PTBP2: variants seen among roughly 807,000 people sequenced by gnomAD.
PTBP2 encodes polypyrimidine tract-binding protein 2.
In PTBP2, 13 loss-of-function variants were observed where a neutral mutation model predicts 61.4. The observed-to-expected ratio is 0.21, with a 90% CI of 0.14 to 0.34. The LOEUF (loss-of-function observed/expected upper bound fraction) is 0.34, where lower values mean the gene tolerates loss of function less well. PTBP2 is among the 10% of genes least tolerant of loss of function. The pLI, the probability that PTBP2 is intolerant of heterozygous loss-of-function variation, is 1.00. For missense variants in PTBP2, 405 were observed against 642.6 expected (o/e 0.63, Z 4.00); for synonymous variants, 215 against 218.5 (o/e 0.98, Z 0.14).
chr1:96,800,910 C>G (rs1313556472), intron 8 of PTBP2, among the ~76,000 whole-genome samples: 1 of 149,996 alleles, frequency 6.7e-6, no homozygotes, highest in African/African-American at 2.5e-5. Flanking sequence ...ACCCAGATTT[C>G]AAGAAAAAAA....
At position 96,721,887 on chromosome 1, in the gene PTBP2, C is replaced by T. The variant is rs1232756149; in HGVS notation, c.8+15C>T. The T allele has an allele frequency of 6.4e-7, 1 of 1,574,382 alleles. No individual in the cohort carries two copies. Among genetic ancestry groups the T allele is most frequent in the Non-Finnish European group, 8.6e-7 (1 of 1,159,668 alleles). On this transcript the variant is annotated intron_variant, in intron 1 of 13. Coordinates refer to ENST00000674951, the MANE Select transcript of PTBP2 (RefSeq NM_021190.4). The stretch of plus-strand genomic sequence containing the variant: ...GCAATGGACGGGTATGTAATCGGGC[C>T]GGCGAGAAGGTGTGTGTGAGAGAGG...
At chr1:96,796,528 A>T (rs1052074605) in intron 8 of PTBP2, among the ~76,000 whole-genome samples, 7 of 152,342 alleles carry the variant, frequency 4.6e-5, no homozygotes, top group African/African-American at 1.7e-4. Flanking sequence ...ATAAGACTCT[A>T]CTAGATTTGG....
At chr1:96,783,327 A>G (rs982711064) in intron 7 of PTBP2, among the ~76,000 whole-genome samples, 4 of 151,888 alleles carry the variant, frequency 2.6e-5, no homozygotes, top group Non-Finnish European at 5.9e-5. Flanking sequence ...TAGCTCTTGT[A>G]CCTTAGGTAT....
chr1:96,762,167 CTT>C (rs1217636962), intron 3 of PTBP2, among the ~76,000 whole-genome samples: 6 of 151,002 alleles, frequency 4.0e-5, no homozygotes, highest in Non-Finnish European at 7.4e-5. Flanking sequence ...ATTTCTCAAT[CTT>C]TTCCCCACCT....
chr1:96,723,228 G>A (rs1337931704), intron 1 of PTBP2, among the ~76,000 whole-genome samples: 1 of 152,174 alleles, frequency 6.6e-6, no homozygotes, highest in Non-Finnish European at 1.5e-5. Context: ...CCTGGTTCCT[G>A]TGGAGACTAC....
At chr1:96,822,337 AAG>A (rs1662707929) in exon 14 of PTBP2, 1 of 152,220 alleles carries the variant, frequency 6.6e-6, no homozygotes, top group African/African-American at 2.4e-5. Flanking sequence ...GGGGACAAAA[AAG>A]GACCAGAATC....
chr1:96,751,260 A>G (rs753315019), intron 2 of PTBP2, 165 bp from the exon 3 acceptor site: 6 of 691,642 alleles, frequency 8.7e-6, no homozygotes, highest in Non-Finnish European at 1.6e-5. Context: ...AGAATGGGAG[A>G]GGGATAGATG....
At chr1:96,815,551 A>T (rs1426651198), downstream of PTBP2, 1 of 152,162 alleles carries the variant, frequency 6.6e-6, no homozygotes, top group Non-Finnish European at 1.5e-5. Flanking sequence ...TTCTAAACAG[A>T]TATATTGGTA....
At chr1:96,731,688 A>G (rs1238680848) in intron 2 of PTBP2, among the ~76,000 whole-genome samples, 2 of 152,184 alleles carry the variant, frequency 1.3e-5, no homozygotes, top group East Asian at 3.9e-4. Context: ...TATTTTATAA[A>G]TTTGCTGTAT....
intron 3 of PTBP2, among the ~76,000 whole-genome samples, chr1:96,764,247 A>G (rs1656392505): frequency 6.6e-6 from 1 of 152,222 alleles, no homozygotes; most frequent in Non-Finnish European, 1.5e-5. Flanking sequence ...AGGTAAATAA[A>G]TGTTTAATAA....
chr1:96,756,932 G>A (rs961302119), intron 3 of PTBP2, among the ~76,000 whole-genome samples: 5 of 152,138 alleles, frequency 3.3e-5, no homozygotes, highest in African/African-American at 1.2e-4. Flanking sequence ...TACAGACTTT[G>A]AGTGATTATA....
intron 3 of PTBP2, among the ~76,000 whole-genome samples, chr1:96,764,107 C>T (rs527764469): frequency 6.6e-6 from 1 of 152,218 alleles, no homozygotes; most frequent in Non-Finnish European, 1.5e-5. Context: ...CCTAAGGCAT[C>T]TGTCTCAACA....
intron 1 of PTBP2, among the ~76,000 whole-genome samples, chr1:96,722,387 G>A (rs1008463829): frequency 6.6e-6 from 1 of 151,980 alleles, no homozygotes; most frequent in Non-Finnish European, 1.5e-5. Context: ...CCGTGGTCGG[G>A]AGAGATGCCG....
At chr1:96,770,465 T>C (rs536845463) in intron 4 of PTBP2, among the ~76,000 whole-genome samples, 1 of 152,126 alleles carries the variant, frequency 6.6e-6, no homozygotes, top group East Asian at 1.9e-4. Context: ...AGAATAGATT[T>C]GTGGGTGTGA....
At chr1:96,752,781 TC>T (rs1301487120) in intron 3 of PTBP2, among the ~76,000 whole-genome samples, 1 of 151,350 alleles carries the variant, frequency 6.6e-6, no homozygotes, top group Non-Finnish European at 1.5e-5. Flanking sequence ...TTTTTCAGTC[TC>T]CCCCCAAAAC....
intron 8 of PTBP2, among the ~76,000 whole-genome samples, chr1:96,795,539 C>T (rs1021982265): frequency 4.6e-5 from 7 of 152,032 alleles, no homozygotes; most frequent in Non-Finnish European, 8.8e-5. Context: ...AGGATTAAAG[C>T]ATTGTAATTA....
chr1:96,766,444 T>C (rs760931885), intron 3 of PTBP2, among the ~76,000 whole-genome samples: 1 of 152,174 alleles, frequency 6.6e-6, no homozygotes, highest in Non-Finnish European at 1.5e-5. Context: ...AAGATCTCTT[T>C]CATTCCCCCA....
intron 8 of PTBP2, among the ~76,000 whole-genome samples, chr1:96,786,411 C>G (rs1430411213): frequency 1.3e-5 from 2 of 151,998 alleles, no homozygotes; most frequent in Admixed American, 6.6e-5. Flanking sequence ...CTTTAGGTCA[C>G]TTACACTCTT....
chr1:96,791,833 T>TTGTTTTTTTTTTGTTTTTTG (rs796100749), intron 8 of PTBP2, among the ~76,000 whole-genome samples: 1 of 131,478 alleles, frequency 7.6e-6, no homozygotes, highest in Non-Finnish European at 1.6e-5. Flanking sequence ...GTGCTTTTTT[T>TTGTTTTTTTTTTGTTTTTTG]TTTTTTTTTT....
Sources: allele counts gnomAD v4.1 joint callset (sites outside exome capture counted in the v4.1 genomes callset), GRCh38; gene constraint gnomAD v4.1.1; transcripts MANE v1.5; gene names NCBI Gene and HGNC (gene_info 2026-07-23, HGNC 2026-07-21).